Variants in XPNPEP3 observed in about 807,000 individuals in gnomAD.
XPNPEP3 encodes xaa-Pro aminopeptidase 3.
Under a neutral mutation model 60.0 loss-of-function variants are expected in XPNPEP3, and 41 were observed. The observed-to-expected ratio is 0.68, with a 90% CI of 0.53 to 0.89. The LOEUF (loss-of-function observed/expected upper bound fraction) is 0.89, where lower values mean the gene tolerates loss of function less well. XPNPEP3 is among the 40% of genes least tolerant of loss of function. XPNPEP3 has a pLI of 0.00. For synonymous variants in XPNPEP3, 212 were observed against 223.2 expected (o/e 0.95, Z 0.45); for missense variants, 598 against 638.9 (o/e 0.94, Z 0.69).
intron 4 of XPNPEP3, among the ~76,000 whole-genome samples, chr22:40,901,236 CTTTTT>C (rs368089611): frequency 7.6e-6 from 1 of 131,750 alleles, no homozygotes. Flanking sequence ...ATTTAAAGAA[CTTTTT>C]TTTTTTTTGA....
chr22:40,891,195 A>AG (rs1425311693), intron 4 of XPNPEP3, among the ~76,000 whole-genome samples: 3 of 151,312 alleles, frequency 2.0e-5, no homozygotes, highest in Non-Finnish European at 4.4e-5. Flanking sequence ...AAAAAAAAAA[A>AG]AAAAAAAGTT....
At chr22:40,883,669 A>T (rs1276642680) in intron 3 of XPNPEP3, among the ~76,000 whole-genome samples, 1 of 151,992 alleles carries the variant, frequency 6.6e-6, no homozygotes, top group Non-Finnish European at 1.5e-5. Flanking sequence ...GCCATAGTTG[A>T]GTTCTTGTCC....
chr22:40,909,910 C>A (rs1385182037), intron 6 of XPNPEP3, among the ~76,000 whole-genome samples: 3 of 151,968 alleles, frequency 2.0e-5, no homozygotes, highest in Non-Finnish European at 4.4e-5. Context: ...TGAGGACTTG[C>A]GGCAACAACA....
At chr22:40,914,531 ATTTTT>A (rs560908648) in intron 7 of XPNPEP3, among the ~76,000 whole-genome samples, 1 of 67,604 alleles carries the variant, frequency 1.5e-5, no homozygotes, top group Non-Finnish European at 2.8e-5. Context: ...ACTAACAAAG[ATTTTT>A]TTTTTTTTTT....
intron 4 of XPNPEP3, among the ~76,000 whole-genome samples, chr22:40,902,573 C>T (rs908385202): frequency 1.3e-5 from 2 of 150,314 alleles, no homozygotes; most frequent in South Asian, 4.2e-4. Flanking sequence ...TTAGCAGAGA[C>T]GGGGTTTCAC....
At chr22:40,894,429 A>C (rs556623854) in intron 4 of XPNPEP3, among the ~76,000 whole-genome samples, 1 of 152,176 alleles carries the variant, frequency 6.6e-6, no homozygotes, top group African/African-American at 2.4e-5. Flanking sequence ...TGATATACGT[A>C]TGCATAATAC....
Position 40,914,295 on chromosome 22 carries a change from C to T in XPNPEP3, c.1026C>T (p.Asp342=). 6.2e-7 allele frequency: 1 copy of T among 1,614,070 alleles called. No individual in the cohort carries two copies. The highest frequency in any genetic ancestry group is 8.5e-7 in the Non-Finnish European group (1 of 1,180,006). The change falls in exon 7 of 10, where the codon GAC becomes GAT. Residue 342 remains aspartate, a synonymous_variant. Transcript: ENST00000357137. ...GGCESSCYVS[D]ITRTWPVNGR... The stretch of plus-strand genomic sequence containing the variant: ...GTGAGTCTTCCTGCTATGTGAGTGA[C>T]ATCACACGTACGTGGCCAGTCAATG...
chr22:40,892,330 G>A (rs962200260), intron 4 of XPNPEP3, among the ~76,000 whole-genome samples: 3 of 152,034 alleles, frequency 2.0e-5, no homozygotes, highest in Admixed American at 6.6e-5. Context: ...GACTACAGGC[G>A]TGCACTACCA....
intron 7 of XPNPEP3, among the ~76,000 whole-genome samples, chr22:40,916,604 C>A (rs939880784): frequency 2.0e-5 from 3 of 152,022 alleles, no homozygotes; most frequent in Non-Finnish European, 4.4e-5. Context: ...CTGTAACTGC[C>A]CAAAATCTAG....
At chr22:40,887,631 AAGACATAGAGATT>A (rs2058074380) in intron 4 of XPNPEP3, among the ~76,000 whole-genome samples, 1 of 152,102 alleles carries the variant, frequency 6.6e-6, no homozygotes, top group South Asian at 2.1e-4. Context: ...CTACCTCCTA[AAGACATAGAGATT>A]AGAGCTTTAA....
rs760030764 is a variant in XPNPEP3, at chr22:40,886,387, C to T, written c.664C>T (p.Leu222=). The T allele has an allele frequency of 1.2e-6, 2 of 1,614,170 alleles. No individual in the cohort carries two copies. Among genetic ancestry groups the T allele is most frequent in the Admixed American group, 1.7e-5 (1 of 60,010 alleles). ...AQLHSDYMQP[L]TEAKAKSKNK... ...GCTTCACTCTGACTATATGCAGCCC[C>T]TGACTGAGGCCAAAGCCAAGAGCAA... The change falls in exon 4 of 10, where the codon CTG becomes TTG. Residue 222 remains leucine, a synonymous_variant. Coordinates refer to ENST00000357137, the MANE Select transcript of XPNPEP3 (RefSeq NM_022098.4).
chr22:40,861,108 T>C, intron 1 of XPNPEP3: 2 of 1,611,138 alleles, frequency 1.2e-6, no homozygotes, highest in Non-Finnish European at 1.7e-6. Context: ...CTCTTTACGC[T>C]TCTTTTTTTT....
At chr22:40,893,389 C>G (rs1167664424) in intron 4 of XPNPEP3, among the ~76,000 whole-genome samples, 1 of 149,062 alleles carries the variant, frequency 6.7e-6, no homozygotes. Flanking sequence ...ACCTGTAATC[C>G]CAGCTACTCG....
At chr22:40,924,679 C>T (rs1192664661) in intron 9 of XPNPEP3, among the ~76,000 whole-genome samples, 197 bp downstream of exon 9, 5 of 152,120 alleles carry the variant, frequency 3.3e-5, no homozygotes, top group Admixed American at 6.5e-5. Context: ...TCGGCCACCA[C>T]GCCTGGCTAA....
chr22:40,886,336 G>C lies in XPNPEP3; in HGVS notation c.613G>C (p.Asp205His), dbSNP rs769960717. The C allele has an allele frequency of 1.9e-6, 3 of 1,614,026 alleles. No individual in the cohort carries two copies. Among genetic ancestry groups the C allele is most frequent in the Non-Finnish European group, 2.5e-6 (3 of 1,180,010 alleles). The change falls in exon 4 of 10, where the codon GAC becomes CAC. Residue 205 changes from aspartate (D) to histidine (H), a missense_variant. Physicochemically the swap from Asp to His is moderately conservative, Grantham distance 81 (BLOSUM62 -1). Coordinates refer to ENST00000357137, the MANE Select transcript of XPNPEP3 (RefSeq NM_022098.4). ...MKAETNMVWY[D>H]WMRPSHAQLH... ...AGCTGAGACGAACATGGTTTGGTAT[G>C]ACTGGATGAGGCCCTCACATGCACA... is the stretch of plus-strand genomic sequence containing the variant.
rs200253041 is a variant in XPNPEP3, at chr22:40,914,222, G to C, written c.970-17G>C. 2 of 1,609,030 alleles carry C rather than the reference G, an allele frequency of 1.2e-6. No homozygotes were observed. The highest frequency in any genetic ancestry group is 2.7e-5 in the African/African-American group (2 of 74,832). On this transcript the variant is annotated splice_polypyrimidine_tract_variant and intron_variant, in intron 6 of 9. Transcript: ENST00000357137. Reference sequence around the variant, plus strand: ...ATCATGAGCTTATCCACTTTAACCTGTCTTACTTTGTTCCAGGATGGGGAA... The same window carrying C: ...ATCATGAGCTTATCCACTTTAACCTCTCTTACTTTGTTCCAGGATGGGGAA...
chr22:40,912,179 A>AGTGT (rs958554138), intron 6 of XPNPEP3, among the ~76,000 whole-genome samples: 2 of 152,180 alleles, frequency 1.3e-5, no homozygotes, highest in Admixed American at 6.5e-5. Flanking sequence ...TTAATTTCTT[A>AGTGT]GTGTGATAAA....
At chr22:40,873,295 G>T (rs1449156397) in intron 2 of XPNPEP3, among the ~76,000 whole-genome samples, 1 of 150,544 alleles carries the variant, frequency 6.6e-6, no homozygotes, top group East Asian at 2.0e-4. Flanking sequence ...AGTAGAGAGG[G>T]GGTTTCACCA....
chr22:40,886,109 G>A (rs914438304), intron 3 of XPNPEP3, among the ~76,000 whole-genome samples: 4 of 152,106 alleles, frequency 2.6e-5, no homozygotes, highest in African/African-American at 9.7e-5. Flanking sequence ...AGAATATCTT[G>A]CCATTTCCAG....
Sources: gnomAD v4.1 joint callset for allele counts (sites outside exome capture counted in the v4.1 genomes callset) on GRCh38, gnomAD v4.1.1 for gene constraint, MANE v1.5 for transcripts, NCBI Gene and HGNC (gene_info 2026-07-23, HGNC 2026-07-21) for gene names.